SLC24A2: variants seen among roughly 807,000 people sequenced by gnomAD.
SLC24A2 encodes solute carrier family 24 member 2.
SLC24A2 carries 36 observed loss-of-function variants against 62.0 expected under a neutral mutation model. That is an observed-to-expected ratio of 0.58 (90% CI 0.44 to 0.77). The LOEUF is 0.77. SLC24A2 is among the 30% of genes least tolerant of loss of function. The pLI is 0.00. For missense variants in SLC24A2, 846 were observed against 817.9 expected (o/e 1.03, Z -0.42); for synonymous variants, 358 against 294.0 (o/e 1.22, Z -2.23).
At chr9:19,953,666 G>C in the SLC24A2 span, among the ~76,000 whole-genome samples, 47 of 152,076 alleles carry the variant, frequency 3.1e-4, no homozygotes, top group African/African-American at 1.1e-3. Flanking sequence ...ATAACAAGTA[G>C]CCATTAAATA....
At chr9:20,167,487 A>T in the SLC24A2 span, among the ~76,000 whole-genome samples, 13 of 151,986 alleles carry the variant, frequency 8.6e-5, no homozygotes, top group African/African-American at 2.7e-4. Flanking sequence ...GCAAATAGAT[A>T]GATAGATATA....
chr9:19,972,168 C>T, the SLC24A2 span, among the ~76,000 whole-genome samples: 1 of 151,772 alleles, frequency 6.6e-6, no homozygotes, highest in African/African-American at 2.4e-5. Context: ...CACTATGAGG[C>T]CAGTATCTTG....
chr9:19,579,956 A>G (rs1836153112), intron 5 of SLC24A2, among the ~76,000 whole-genome samples: 1 of 152,234 alleles, frequency 6.6e-6, no homozygotes, highest in African/African-American at 2.4e-5. Flanking sequence ...ATCTAGGAGA[A>G]CAGGGTAGGA....
chr9:19,918,466 C>A, the SLC24A2 span, among the ~76,000 whole-genome samples: 1 of 151,196 alleles, frequency 6.6e-6, no homozygotes, highest in Admixed American at 6.6e-5. Flanking sequence ...TAGATTCATT[C>A]CGTGCAGGTT....
At chr9:20,046,047 A>C in the SLC24A2 span, among the ~76,000 whole-genome samples, 1 of 152,282 alleles carries the variant, frequency 6.6e-6, no homozygotes, top group Non-Finnish European at 1.5e-5. Flanking sequence ...CTCATATCAA[A>C]AGTCCCAACA....
At chr9:19,792,536 C>CAAAAAATA (rs1823330725), upstream of SLC24A2, among the ~76,000 whole-genome samples, 1 of 74,612 alleles carries the variant, frequency 1.3e-5, no homozygotes, top group Non-Finnish European at 2.6e-5. Context: ...ACTAAAAATA[C>CAAAAAATA]AAAAAAAAAA....
chr9:19,817,185 T>G, the SLC24A2 span, among the ~76,000 whole-genome samples: 1 of 152,006 alleles, frequency 6.6e-6, no homozygotes, highest in South Asian at 2.1e-4. Context: ...GCAACTTCAC[T>G]CTTAAATCTC....
intron 5 of SLC24A2, among the ~76,000 whole-genome samples, chr9:19,594,666 A>T (rs968751450): frequency 3.3e-5 from 5 of 152,232 alleles, no homozygotes; most frequent in Non-Finnish European, 4.4e-5. Flanking sequence ...GCTTAACTGG[A>T]AGGGGTATTT....
intron 2 of SLC24A2, among the ~76,000 whole-genome samples, chr9:19,668,054 G>A (rs1011943668): frequency 1.3e-5 from 2 of 152,052 alleles, no homozygotes; most frequent in African/African-American, 4.8e-5. Flanking sequence ...CACATTGGAA[G>A]CTCCTTGGAT....
the SLC24A2 span, among the ~76,000 whole-genome samples, chr9:20,072,948 C>A: frequency 6.6e-6 from 1 of 152,208 alleles, no homozygotes. Context: ...TAAGTTTGTG[C>A]TGATTTGTTA....
the SLC24A2 span, among the ~76,000 whole-genome samples, chr9:19,832,015 T>C: frequency 6.6e-6 from 1 of 152,240 alleles, no homozygotes; most frequent in Non-Finnish European, 1.5e-5. Context: ...TTTGTTTTGT[T>C]GTTTGTTGTG....
chr9:19,565,556 A>T (rs1835614563), intron 7 of SLC24A2, among the ~76,000 whole-genome samples: 1 of 151,850 alleles, frequency 6.6e-6, no homozygotes, highest in Admixed American at 6.6e-5. Context: ...TAATTTATAG[A>T]TTCAATGCCA....
the SLC24A2 span, among the ~76,000 whole-genome samples, chr9:20,119,454 A>G: frequency 2.0e-5 from 3 of 152,230 alleles, no homozygotes; most frequent in Non-Finnish European, 4.4e-5. Flanking sequence ...TTGGTATAAC[A>G]TTCAAAAATC....
chr9:19,679,699 C>T (rs1819659148), intron 2 of SLC24A2, among the ~76,000 whole-genome samples: 1 of 152,142 alleles, frequency 6.6e-6, no homozygotes, highest in African/African-American at 2.4e-5. Flanking sequence ...ATTGATGCTC[C>T]TGGTTCTTGG....
the SLC24A2 span, among the ~76,000 whole-genome samples, chr9:20,235,122 G>A: frequency 1.3e-5 from 2 of 152,232 alleles, no homozygotes; most frequent in Non-Finnish European, 2.9e-5. Context: ...TGTGTGAGGT[G>A]TCAGTCCGCC....
chr9:20,157,944 G>C, the SLC24A2 span, among the ~76,000 whole-genome samples: 2 of 151,466 alleles, frequency 1.3e-5, no homozygotes, highest in Non-Finnish European at 3.0e-5. Context: ...GCTATGCAAA[G>C]ATCCTATAAG....
the SLC24A2 span, among the ~76,000 whole-genome samples, chr9:20,210,637 C>CTT: frequency 9.9e-5 from 8 of 80,874 alleles, 1 homozygote; most frequent in African/African-American, 4.0e-4. Context: ...CAACGCCCGG[C>CTT]TTTTTTTTTT....
chr9:19,592,624 G>T (rs575179965), intron 5 of SLC24A2, among the ~76,000 whole-genome samples: 13 of 152,144 alleles, frequency 8.5e-5, no homozygotes, highest in African/African-American at 3.1e-4. Flanking sequence ...ACTGCCATTG[G>T]TGGAAAGGTC....
intron 2 of SLC24A2, among the ~76,000 whole-genome samples, chr9:19,722,721 C>G (rs1821063285): frequency 1.3e-5 from 2 of 151,486 alleles, no homozygotes; most frequent in South Asian, 4.2e-4. Context: ...CTTGAAGAGC[C>G]TATGCAACGG....
Sources: gnomAD v4.1 joint callset for allele counts (sites outside exome capture counted in the v4.1 genomes callset) on GRCh38, gnomAD v4.1.1 for gene constraint, MANE v1.5 for transcripts, NCBI Gene and HGNC (gene_info 2026-07-23, HGNC 2026-07-21) for gene names.